The following MYO16 variants were observed in gnomAD, a reference collection of about 807,000 sequenced individuals.
MYO16 encodes the protein myosin XVI, also known as unconventional myosin-XVI.
MYO16 carries 94 observed loss-of-function variants against 205.3 expected under a neutral mutation model. That is an observed-to-expected ratio of 0.46 (90% confidence interval 0.39 to 0.54). MYO16 has a LOEUF of 0.54. Ranked by LOEUF, MYO16 falls within the 20% of genes least tolerant of loss-of-function variation. The probability of loss-of-function intolerance (pLI) is 0.00; values close to 1 mark genes in which losing one functional copy is unlikely to be tolerated. For missense variants in MYO16, 2,315 were observed against 2,387.5 expected, an observed-to-expected ratio of 0.97 and a Z score of 0.63; for synonymous variants, 988 against 954.0, an observed-to-expected ratio of 1.04 and a Z score of -0.66.
At chr13:109,066,056 A>G (rs1389700115) in intron 27 of MYO16, among the ~76,000 whole-genome samples, 1 of 152,178 alleles carries the variant, frequency 6.6e-6, no homozygotes, top group Non-Finnish European at 1.5e-5. Context: ...GCTTGCCTAA[A>G]TGACACAGTT....
At chr13:109,100,617 C>A (rs1043340934) in intron 27 of MYO16, among the ~76,000 whole-genome samples, 168 bp from the exon 28 acceptor site, 3 of 152,172 alleles carry the variant, frequency 2.0e-5, no homozygotes, top group African/African-American at 7.2e-5. Context: ...GATAAGGATT[C>A]TTTCCAGTTC....
intron 2 of MYO16, among the ~76,000 whole-genome samples, chr13:108,688,144 A>T (rs1484789873): frequency 6.6e-6 from 1 of 152,008 alleles, no homozygotes; most frequent in Non-Finnish European, 1.5e-5. Context: ...TTTCTCTTGT[A>T]AAAAAATAGG....
chr13:109,065,611 T>C, intron 27 of MYO16: 1 of 467,484 alleles, frequency 2.1e-6, no homozygotes, highest in African/African-American at 2.0e-5. Context: ...CAGCCACCTT[T>C]CCCAAAGCTG....
chr13:108,764,507 G>A (rs969505988), intron 4 of MYO16, among the ~76,000 whole-genome samples: 4 of 150,240 alleles, frequency 2.7e-5, no homozygotes, highest in Admixed American at 2.0e-4. Flanking sequence ...AGTGGGCACC[G>A]GCTGGTTTCA....
At chr13:108,835,550 G>A (rs60022258) in intron 9 of MYO16, among the ~76,000 whole-genome samples, 1,753 of 152,258 alleles carry the variant, frequency 0.012, 25 homozygotes, top group African/African-American at 0.039. Flanking sequence ...CTTTGTAACC[G>A]GGTAACAGGC....
intron 11 of MYO16, among the ~76,000 whole-genome samples, chr13:108,859,103 C>A (rs537139227): frequency 1.3e-5 from 2 of 152,266 alleles, no homozygotes; most frequent in African/African-American, 4.8e-5. Context: ...CACAAACTTA[C>A]CACTCTCTAA....
chr13:108,770,321 TA>T (rs1164703734), intron 4 of MYO16, among the ~76,000 whole-genome samples: 1 of 152,220 alleles, frequency 6.6e-6, no homozygotes, highest in Non-Finnish European at 1.5e-5. Flanking sequence ...TTACTGTCTT[TA>T]AATTTTCAGA....
chr13:108,982,425 G>A lies in MYO16; in HGVS notation c.2370-9951G>A, dbSNP rs762806122. Reference sequence around the variant, plus strand: ...CCCAAATAAAAAATAAAAAAGGAGCGTTTGGGCTGGAAGATAATTAAGGGA... The same window carrying A: ...CCCAAATAAAAAATAAAAAAGGAGCATTTGGGCTGGAAGATAATTAAGGGA... On this transcript the variant is annotated intron_variant, in intron 20 of 34. Transcript: ENST00000457511. Among the ~76,000 whole-genome samples the A allele has an allele frequency of 1.7e-4, 26 of 152,056 alleles. 1 individual carries two copies. The highest frequency in any genetic ancestry group is 1.0e-3 in the South Asian group (5 of 4,810).
intron 22 of MYO16, among the ~76,000 whole-genome samples, chr13:109,018,084 T>C (rs1382004352): frequency 6.6e-6 from 1 of 152,230 alleles, no homozygotes; most frequent in Non-Finnish European, 1.5e-5. Flanking sequence ...TGCTCTGGTT[T>C]CTCCCCATCT....
intron 20 of MYO16, among the ~76,000 whole-genome samples, chr13:108,984,033 C>T (rs1884543075): frequency 6.6e-6 from 1 of 152,138 alleles, no homozygotes; most frequent in Non-Finnish European, 1.5e-5. Flanking sequence ...TCACAGAGCT[C>T]AATAAGCCAC....
rs371749438 is a variant in MYO16 at position 108,676,372 on chromosome 13, C to T, written c.292+10223C>T. ...CTGCTAATGTGTGATTATATGTACG[C>T]GTGTGTGTGTGTGTGTGTGTGTGTG... is the stretch of plus-strand genomic sequence containing the variant. On this transcript the variant is annotated intron_variant, in intron 2 of 34. Coordinates refer to ENST00000457511, the MANE Select transcript of MYO16 (RefSeq NM_001198950.3). Among the ~76,000 whole-genome samples the T allele has an allele frequency of 5.8e-3, 759 of 131,760 alleles. 7 individuals carry two copies. Among genetic ancestry groups the T allele is most frequent in the African/African-American group, 0.02 (698 of 35,200 alleles). The allele number at this position is 131,760 out of a possible 152,430, so 86.4% of individuals were successfully genotyped here. A position where few individuals can be genotyped will look rare whatever the true frequency, so the allele number is the denominator to read the frequency against.
At chr13:109,092,355 G>A (rs1287544549) in intron 27 of MYO16, among the ~76,000 whole-genome samples, 6 of 151,368 alleles carry the variant, frequency 4.0e-5, no homozygotes, top group African/African-American at 1.2e-4. Context: ...TGACAGATTG[G>A]ATAAAGAAAA....
At position 109,140,683 on chromosome 13, in the gene MYO16, G is replaced by A. The variant is rs2139807467; in HGVS notation, c.4471G>A (p.Ala1491Thr). ...CCACCGCGCGCCGGAGGACGAGGCG[G>A]CGGGGCCCCCAGGGGACGCGTGCGA... The part of the protein sequence containing the change: ...LLHRAPEDEA[A>T]GPPGDACDIP... The change falls in exon 32 of 35, where the codon GCG becomes ACG. Residue 1491 changes from alanine (A) to threonine (T), a missense_variant. Ala to Thr is a moderately conservative substitution (Grantham distance 58). Coordinates refer to ENST00000457511, the MANE Select transcript of MYO16 (RefSeq NM_001198950.3). The surrounding 1 kb of genome is among the most constrained non-coding windows in gnomAD (Gnocchi z 8.0). 2.0e-6 allele frequency: 3 copies of A among 1,483,428 alleles called. No individual in the cohort carries two copies. The highest frequency in any genetic ancestry group is 2.8e-5 in the East Asian group (1 of 35,238). 91.9% of individuals were successfully genotyped at this position (1,483,428 alleles called of 1,614,324 possible). A position where few individuals can be genotyped will look rare whatever the true frequency, so the allele number is the denominator to read the frequency against.
chr13:108,733,333 C>T (rs1884584259), intron 4 of MYO16, among the ~76,000 whole-genome samples: 1 of 152,194 alleles, frequency 6.6e-6, no homozygotes, highest in African/African-American at 2.4e-5. Context: ...ATTAGTAACT[C>T]CCTTGATTCT....
chr13:109,047,982 A>G (rs1594500397), intron 24 of MYO16, among the ~76,000 whole-genome samples: 1 of 152,110 alleles, frequency 6.6e-6, no homozygotes, highest in Non-Finnish European at 1.5e-5. Context: ...CATTATGAAG[A>G]CGGAAAAGAA....
intron 23 of MYO16, among the ~76,000 whole-genome samples, chr13:109,042,209 G>A (rs1886906245): frequency 1.3e-5 from 2 of 152,118 alleles, no homozygotes; most frequent in Admixed American, 1.3e-4. Flanking sequence ...CACTGATCAA[G>A]GAAAGTATCA....
intron 34 of MYO16, among the ~76,000 whole-genome samples, chr13:109,203,587 G>A (rs372406124): frequency 7.8e-4 from 119 of 152,122 alleles, no homozygotes; most frequent in East Asian, 3.5e-3. Flanking sequence ...GGCTTGATCC[G>A]CCTTTGCCTT....
chr13:108,667,640 G>C (rs1260666421), intron 2 of MYO16, among the ~76,000 whole-genome samples: 1 of 152,156 alleles, frequency 6.6e-6, no homozygotes, highest in Non-Finnish European at 1.5e-5. Flanking sequence ...GAGCAAAAGA[G>C]AGTAAAGTGA....
At chr13:108,741,176 A>G (rs916969769) in intron 4 of MYO16, among the ~76,000 whole-genome samples, 6 of 151,948 alleles carry the variant, frequency 3.9e-5, no homozygotes, top group East Asian at 3.9e-4. Context: ...AGTGAGATGA[A>G]CTCGGTACCT....
Sources: allele counts gnomAD v4.1 joint callset (sites outside exome capture counted in the v4.1 genomes callset), GRCh38; gene constraint gnomAD v4.1.1; non-coding constraint Gnocchi (gnomAD v3.1); transcripts MANE v1.5; gene names NCBI Gene and HGNC (gene_info 2026-07-23, HGNC 2026-07-21).